The following KIFC3 variants were observed in gnomAD, a reference collection of about 807,000 sequenced individuals.
KIFC3 encodes kinesin-like protein KIFC3.
KIFC3 carries 60 observed loss-of-function variants against 101.8 expected under a neutral mutation model. The observed-to-expected ratio is 0.59, with a 90% CI of 0.48 to 0.73. The LOEUF (loss-of-function observed/expected upper bound fraction) is 0.73, where lower values mean the gene tolerates loss of function less well. Ranked by LOEUF, KIFC3 falls within the 30% of genes least tolerant of loss-of-function variation. KIFC3 has a pLI of 0.00. For missense variants in KIFC3, 966 were observed against 1,137.1 expected (o/e 0.85, Z 2.16); for synonymous variants, 476 against 482.7 (o/e 0.99, Z 0.18).
intron 3 of KIFC3, among the ~76,000 whole-genome samples, chr16:57,778,769 C>T (rs1174111887): frequency 1.3e-5 from 2 of 152,130 alleles, no homozygotes; most frequent in Non-Finnish European, 2.9e-5. Flanking sequence ...TGAAAATAAG[C>T]AGGAGCGAGT....
rs3803592 is a variant in KIFC3, at chr16:57,769,754, G to A, written c.1088-29C>T. The A allele has an allele frequency of 3.7e-6, 6 of 1,612,594 alleles. No individual in the cohort carries two copies. Among genetic ancestry groups the A allele is most frequent in the East Asian group, 2.2e-5 (1 of 44,890 alleles). ...TGGGGACACTCGGGCTGTGAGGCGG[G>A]AGGGGATGAGGGGCCGCGGCGTGGG... On this transcript the variant is annotated intron_variant, in intron 8 of 19. Coordinates refer to ENST00000445690, the MANE Select transcript of KIFC3 (RefSeq NM_001130100.2). The surrounding 1 kb of genome is among the most constrained non-coding windows in gnomAD (Gnocchi z 4.3).
At chr16:57,768,389 T>C (rs2050729717) in intron 9 of KIFC3, among the ~76,000 whole-genome samples, 1 of 152,070 alleles carries the variant, frequency 6.6e-6, no homozygotes. Context: ...ATATGTTATT[T>C]TTTATTTCTA....
chr16:57,847,859 C>T (rs757308785), intron 1 of KIFC3, among the ~76,000 whole-genome samples: 1 of 151,386 alleles, frequency 6.6e-6, no homozygotes, highest in African/African-American at 2.4e-5. Context: ...AATCTCAGCT[C>T]GCTGCAACCT....
chr16:57,766,859 C>A lies in KIFC3; in HGVS notation c.1330+15G>T. ...CCCCGAGGCCAGCGCCCACCCCCAG[C>A]CCTCCTGCAGTCACCTTTCAGCCGC... On this transcript the variant is annotated intron_variant, in intron 10 of 19. Transcript: ENST00000445690. 1 of 1,594,762 alleles carries A rather than the reference C, an allele frequency of 6.3e-7. No individual in the cohort carries two copies. Among genetic ancestry groups the A allele is most frequent in the Non-Finnish European group, 8.5e-7 (1 of 1,170,302 alleles).
Position 57,836,341 on chromosome 16 carries a change from G to A in KIFC3, c.108+26388C>T, listed in dbSNP as rs145495974. ...TTGCCCAGTCTGGTCTTGAACTCCTGGGCTCAAGAGATCCTCCCACCTCAG... is the reference window on the plus strand; with the variant it reads ...TTGCCCAGTCTGGTCTTGAACTCCTAGGCTCAAGAGATCCTCCCACCTCAG... On this transcript the variant is annotated intron_variant, in intron 1 of 2. Coordinates refer to the KIFC3 transcript ENST00000563028. Among the ~76,000 whole-genome samples, 1,293 of 152,260 alleles carry A rather than the reference G, an allele frequency of 8.5e-3. 21 individuals carry two copies. Among genetic ancestry groups the A allele is most frequent in the African/African-American group, 0.029 (1,196 of 41,562 alleles).
intron 3 of KIFC3, among the ~76,000 whole-genome samples, chr16:57,783,878 C>T (rs2053029338): frequency 6.6e-6 from 1 of 152,176 alleles, no homozygotes; most frequent in South Asian, 2.1e-4. Context: ...TGCCTGAGGC[C>T]AGACACGTGT....
intron 3 of KIFC3, chr16:57,775,416 T>C: frequency 1.2e-5 from 12 of 1,035,994 alleles, no homozygotes; most frequent in Non-Finnish European, 1.4e-5. Context: ...TGGCCAGCTC[T>C]ACTGGGGGCT....
intron 2 of KIFC3, 31 bp downstream of exon 2, chr16:57,798,041 A>G: frequency 6.4e-7 from 1 of 1,572,884 alleles, no homozygotes; most frequent in Non-Finnish European, 8.6e-7. Flanking sequence ...AGGAAGGGAA[A>G]TAAAGAGGCA....
chr16:57,764,027 G>T, intron 12 of KIFC3, 116 bp downstream of exon 12: 1 of 767,740 alleles, frequency 1.3e-6, no homozygotes, highest in East Asian at 2.5e-5. Context: ...CTGCTCCTGG[G>T]TTGTGAGGAC....
chr16:57,846,154 G>A (rs780662848), intron 1 of KIFC3, among the ~76,000 whole-genome samples: 1 of 152,214 alleles, frequency 6.6e-6, no homozygotes, highest in African/African-American at 2.4e-5. Context: ...AGCAGGAAGA[G>A]GCTGGACCTC....
Position 57,815,614 on chromosome 16 carries a change from C to A in KIFC3, c.109-17332G>T, listed in dbSNP as rs73558646. 2.3e-6 allele frequency: 3 copies of A among 1,289,954 alleles called. No individual in the cohort carries two copies. In the African/African-American group the frequency reaches 4.5e-5, roughly 20 times the overall value. 79.9% of individuals were successfully genotyped at this position (1,289,954 alleles called of 1,614,324 possible). On this transcript the variant is annotated intron_variant, in intron 1 of 2. Coordinates refer to the KIFC3 transcript ENST00000563028. ...TGGGGGTGCCCCCACATGGCTGCTG[C>A]ACCTGATGTTGGAAACGGAGGCTCC...
At chr16:57,777,712 C>A (rs553232964) in intron 3 of KIFC3, among the ~76,000 whole-genome samples, 1 of 150,672 alleles carries the variant, frequency 6.6e-6, no homozygotes. Flanking sequence ...CAGAGCAAGA[C>A]TCCATCTCAA....
At chr16:57,838,506 A>C (rs1596838919) in intron 1 of KIFC3, among the ~76,000 whole-genome samples, 2 of 152,318 alleles carry the variant, frequency 1.3e-5, no homozygotes, top group East Asian at 3.9e-4. Flanking sequence ...TCTATTACCA[A>C]GCACACGTAG....
intron 12 of KIFC3, 70 bp from the exon 13 acceptor site, chr16:57,762,340 C>T: frequency 7.2e-7 from 1 of 1,395,884 alleles, no homozygotes; most frequent in Non-Finnish European, 9.4e-7. Flanking sequence ...TGTCTGTCCC[C>T]AAAGCCCCTT....
chr16:57,848,668 C>G (rs928179290), intron 1 of KIFC3, among the ~76,000 whole-genome samples: 27 of 152,146 alleles, frequency 1.8e-4, no homozygotes, highest in Non-Finnish European at 3.8e-4. Context: ...AAGCTAATCT[C>G]CGATTCTGTG....
chr16:57,813,804 G>A, intron 1 of KIFC3: 1 of 985,354 alleles, frequency 1.0e-6, no homozygotes, highest in South Asian at 4.7e-5. Flanking sequence ...GAGACTCAAG[G>A]CATCTCCAGA....
upstream of KIFC3, chr16:57,803,099 T>A: frequency 7.0e-7 from 1 of 1,421,672 alleles, no homozygotes; most frequent in Non-Finnish European, 9.6e-7. Flanking sequence ...CAGCACTTCC[T>A]ACCTCTGCAC....
chr16:57,784,257 A>G (rs933014428), intron 3 of KIFC3, among the ~76,000 whole-genome samples: 1 of 152,212 alleles, frequency 6.6e-6, no homozygotes, highest in Non-Finnish European at 1.5e-5. Context: ...AAGAGGATAC[A>G]GGGCTAGCCT....
intron 1 of KIFC3, among the ~76,000 whole-genome samples, chr16:57,798,967 C>T (rs1189951120): frequency 6.6e-6 from 1 of 152,200 alleles, no homozygotes; most frequent in East Asian, 1.9e-4. Flanking sequence ...GCCAGGGGTC[C>T]TTTTGGATCA....
Sources: gnomAD v4.1 joint callset for allele counts (sites outside exome capture counted in the v4.1 genomes callset) on GRCh38, gnomAD v4.1.1 for gene constraint, Gnocchi (gnomAD v3.1) non-coding constraint, MANE v1.5 for transcripts, NCBI Gene and HGNC (gene_info 2026-07-23, HGNC 2026-07-21) for gene names.